The following TEX11 variants were observed in gnomAD, a reference collection of about 807,000 sequenced individuals.
TEX11 encodes the protein testis expressed 11.
In TEX11, 7 loss-of-function variants were observed where a neutral mutation model predicts 84.4. The observed-to-expected ratio is 0.08, with a 90% confidence interval of 0.05 to 0.16. The LOEUF is 0.16. TEX11 is among the 10% of genes least tolerant of loss of function. The probability of loss-of-function intolerance (pLI) is 1.00; values close to 1 mark genes in which losing one functional copy is unlikely to be tolerated. For missense variants in TEX11, 551 were observed against 660.5 expected (o/e 0.83, Z 1.82); for synonymous variants, 264 against 222.8 (o/e 1.18, Z -1.64).
chrX:70,843,875 T>C (rs1364321542), intron 7 of TEX11, among the ~76,000 whole-genome samples: 3 of 111,884 alleles, frequency 2.7e-5, no homozygotes, highest in Non-Finnish European at 5.6e-5. Context: ...TCATCATCAC[T>C]GGCCATCAGA....
At chrX:70,715,734 G>T (rs982862146) in intron 13 of TEX11, among the ~76,000 whole-genome samples, 5 of 111,604 alleles carry the variant, frequency 4.5e-5, no homozygotes. Flanking sequence ...TCTTCGGTTT[G>T]AACTTCCTCC....
chrX:70,879,101 G>T, intron 3 of TEX11, among the ~76,000 whole-genome samples: 1 of 111,135 alleles, frequency 9.0e-6, no homozygotes, highest in Non-Finnish European at 1.9e-5. Flanking sequence ...ATTAGTGGTT[G>T]CCTAGGGCTG....
chrX:70,819,553 C>T (rs1032414415), intron 8 of TEX11, among the ~76,000 whole-genome samples: 14 of 111,002 alleles, frequency 1.3e-4, no homozygotes, highest in African/African-American at 4.6e-4. Context: ...CTCAACACTT[C>T]TATTCAACAT....
chrX:70,899,938 G>A (rs904700949), intron 2 of TEX11, among the ~76,000 whole-genome samples: 7 of 99,284 alleles, frequency 7.1e-5, no homozygotes, highest in African/African-American at 1.1e-4. Flanking sequence ...CAGCTCACCT[G>A]AGGTCAGGAG....
intron 8 of TEX11, 38 bp downstream of exon 8, chrX:70,833,475 A>G: frequency 9.1e-7 from 1 of 1,097,921 alleles, no homozygotes; most frequent in Middle Eastern, 2.4e-4. Flanking sequence ...TTGATATAGC[A>G]TATTTTCAAA....
chrX:70,808,148 G>GAAAA (rs2091231409), intron 8 of TEX11, among the ~76,000 whole-genome samples: 2 of 73,471 alleles, frequency 2.7e-5, no homozygotes, highest in African/African-American at 5.8e-5. Context: ...AAAAAAGAAT[G>GAAAA]AATGAATAAG....
At chrX:70,717,111 A>G (rs2090511698) in intron 13 of TEX11, among the ~76,000 whole-genome samples, 1 of 110,304 alleles carries the variant, frequency 9.1e-6, no homozygotes, top group Non-Finnish European at 1.9e-5. Flanking sequence ...TAATAAGTAT[A>G]TAACCTGGAA....
chrX:70,553,012 T>A (rs1451637597), intron 27 of TEX11, among the ~76,000 whole-genome samples: 1 of 112,070 alleles, frequency 8.9e-6, no homozygotes, highest in African/African-American at 3.2e-5. Context: ...GGAATATTAT[T>A]TAGTGATGAA....
intron 9 of TEX11, among the ~76,000 whole-genome samples, chrX:70,787,291 T>C (rs549841058): frequency 1.8e-5 from 2 of 112,070 alleles, no homozygotes; most frequent in African/African-American, 6.5e-5. Flanking sequence ...CTGAAACCTT[T>C]ACTCTAAGAT....
At chrX:70,575,546 G>A (rs995464495) in intron 25 of TEX11, among the ~76,000 whole-genome samples, 1 of 111,478 alleles carries the variant, frequency 9.0e-6, no homozygotes, top group African/African-American at 3.3e-5. Context: ...CTCCCCTCTG[G>A]AGGATGCAGC....
chrX:70,693,011 G>A (rs904476656), intron 13 of TEX11, among the ~76,000 whole-genome samples: 8 of 111,511 alleles, frequency 7.2e-5, no homozygotes, highest in Non-Finnish European at 1.3e-4. Flanking sequence ...TTGGGAGGCC[G>A]AGGTGGATTA....
intron 5 of TEX11, among the ~76,000 whole-genome samples, chrX:70,854,916 T>A (rs1368191871): frequency 9.2e-6 from 1 of 108,440 alleles, no homozygotes; most frequent in Non-Finnish European, 1.9e-5. Context: ...GGCATGGTGG[T>A]GCACACCTGT....
At chrX:70,596,986 C>A (rs945239199) in intron 24 of TEX11, among the ~76,000 whole-genome samples, 1 of 111,518 alleles carries the variant, frequency 9.0e-6, no homozygotes, top group Non-Finnish European at 1.9e-5. Flanking sequence ...ATACTATGAA[C>A]AACTGTAAAC....
intron 2 of TEX11, among the ~76,000 whole-genome samples, chrX:70,884,651 A>G (rs2091698982): frequency 1.8e-5 from 2 of 110,934 alleles, no homozygotes; most frequent in Admixed American, 1.9e-4. Context: ...GGAAGTCCCA[A>G]ATGACAAATT....
At chrX:70,554,553 T>C (rs1387498336) in intron 26 of TEX11, 98 bp downstream of exon 26, 2 of 855,080 alleles carry the variant, frequency 2.3e-6, no homozygotes, top group Admixed American at 3.9e-5. Context: ...AAAAAATTAT[T>C]TCCTACCTGG....
chrX:70,735,306 C>A (rs1309221976), intron 11 of TEX11, among the ~76,000 whole-genome samples: 1 of 111,698 alleles, frequency 9.0e-6, no homozygotes, highest in Non-Finnish European at 1.9e-5. Flanking sequence ...CCCACCTCAG[C>A]CTCCCAAAGT....
In TEX11 at chrX:70,862,818, G is replaced by A. The variant is rs142727801; in HGVS notation, c.245-1882C>T. ...TAATCCCAGCTACTAGAGAGACTGA[G>A]GCAGGAAAGTCTCTTCAACCTGGGA... is the stretch of plus-strand genomic sequence containing the variant. On this transcript the variant is annotated intron_variant, in intron 4 of 29. Transcript: ENST00000374333. 6.2e-3 allele frequency among the ~76,000 whole-genome samples: 678 copies of A among 108,504 alleles called. 10 individuals are homozygous for A. Among genetic ancestry groups the A allele is most frequent in the African/African-American group, 0.022 (651 of 29,728 alleles). The allele number at this position is 108,504 out of a possible 115,157, so 94.2% of individuals were successfully genotyped here.
At chrX:70,878,658 T>C (rs1453247724) in intron 3 of TEX11, among the ~76,000 whole-genome samples, 1 of 108,904 alleles carries the variant, frequency 9.2e-6, no homozygotes, top group Non-Finnish European at 1.9e-5. Flanking sequence ...AGTTAACACA[T>C]GGCCCAGCAA....
chrX:70,614,741 T>C (rs1273840543), intron 20 of TEX11, among the ~76,000 whole-genome samples: 1 of 111,321 alleles, frequency 9.0e-6, no homozygotes, highest in Non-Finnish European at 1.9e-5. Context: ...TCTGACCCAG[T>C]GCAGTTCTAG....
Sources: allele counts gnomAD v4.1 joint callset (sites outside exome capture counted in the v4.1 genomes callset), GRCh38; gene constraint gnomAD v4.1.1; transcripts MANE v1.5; gene names NCBI Gene and HGNC (gene_info 2026-07-23, HGNC 2026-07-21).